The following NAV3 variants were observed in gnomAD, a reference collection of about 807,000 sequenced individuals.
NAV3 encodes the protein pore membrane and/or filament interacting like protein 1.
NAV3 carries 87 observed loss-of-function variants against 244.7 expected under a neutral mutation model. The ratio of observed to expected loss-of-function variants is 0.36; its 90% confidence interval spans 0.30 to 0.42. The LOEUF is 0.42. NAV3 is among the 20% of genes least tolerant of loss of function. NAV3 has a pLI of 1.00. For synonymous variants in NAV3, 1,126 were observed against 1,042.2 expected (o/e 1.08, Z -1.55); for missense variants, 2,663 against 2,893.3 (o/e 0.92, Z 1.83).
chr12:77,704,344 A>G (rs1875695428), intron 2 of NAV3, among the ~76,000 whole-genome samples: 2 of 152,186 alleles, frequency 1.3e-5, no homozygotes, highest in Admixed American at 1.3e-4. Context: ...TTTGTAGCAG[A>G]AGTGCCAATC....
chr12:77,821,666 CA>C (rs1461819624), intron 2 of NAV3, among the ~76,000 whole-genome samples: 4 of 152,022 alleles, frequency 2.6e-5, no homozygotes, highest in African/African-American at 9.7e-5. Context: ...ATATAAGCTT[CA>C]AAAATATGTG....
intron 1 of NAV3, among the ~76,000 whole-genome samples, chr12:77,891,811 G>A (rs1883975721): frequency 6.6e-6 from 1 of 152,152 alleles, no homozygotes; most frequent in South Asian, 2.1e-4. Flanking sequence ...GCCTTCCAGA[G>A]AAGAACCACT....
At chr12:78,088,013 T>G (rs902475746) in intron 12 of NAV3, among the ~76,000 whole-genome samples, 2 of 151,188 alleles carry the variant, frequency 1.3e-5, no homozygotes, top group Admixed American at 6.6e-5. Context: ...ACCATTTTCT[T>G]TTCCTTTCTA....
intron 23 of NAV3, among the ~76,000 whole-genome samples, chr12:78,164,743 G>A (rs887485353): frequency 6.6e-6 from 1 of 151,982 alleles, no homozygotes; most frequent in African/African-American, 2.4e-5. Context: ...GGGAAAGGAG[G>A]ACCTGTTTAA....
rs75426727 is a variant in NAV3, at chr12:77,853,968, A to T, written c.243+22264A>T. On this transcript the variant is annotated intron_variant, in intron 1 of 39. Coordinates refer to ENST00000397909, the MANE Select transcript of NAV3 (RefSeq NM_001024383.2). ...TTTCAGGGATAATTGAGGAACTCAG[A>T]ATTGACTTTGGGAAGCAGTCTGTTA... Among the ~76,000 whole-genome samples, 1,022 of 152,326 alleles carry T rather than the reference A, an allele frequency of 6.7e-3. 12 individuals are homozygous for T. Among genetic ancestry groups the T allele is most frequent in the African/African-American group, 0.023 (977 of 41,580 alleles).
chr12:77,855,077 A>T (rs557983024), intron 1 of NAV3, among the ~76,000 whole-genome samples: 2 of 152,306 alleles, frequency 1.3e-5, no homozygotes, highest in South Asian at 4.1e-4. Context: ...CAGTGAGCTG[A>T]GATCGCGCCA....
At chr12:77,905,287 GA>G (rs1174145794) in intron 1 of NAV3, among the ~76,000 whole-genome samples, 2 of 152,020 alleles carry the variant, frequency 1.3e-5, no homozygotes, top group Non-Finnish European at 2.9e-5. Context: ...ATTTAAGTGG[GA>G]AAAATGCTTT....
rs1219364928 is a variant in NAV3 at position 78,007,087 on chromosome 12, A to G, written c.1549A>G (p.Lys517Glu). Residue 517 changes from lysine (K) to glutamate (E), a missense_variant, in exon 8 of 40, where the codon AAG (lysine) becomes GAG (glutamate). By Grantham distance (56) the Lys-to-Glu change is moderately conservative (BLOSUM62 1). Around this residue, in one of 6 missense-constraint regions of NAV3, gnomAD observed 1,521 missense variants for 1,497.0 expected, o/e 1.02. Transcript: ENST00000397909. Reference sequence around the variant, plus strand: ...GGGCAGCAAGACAACAGCAGCTAAGAAGGAAAGCTTAATTCCGTCTTCCAG... The same window carrying G: ...GGGCAGCAAGACAACAGCAGCTAAGGAGGAAAGCTTAATTCCGTCTTCCAG... The part of the protein sequence containing the change: ...PKGSKTTAAK[K>E]ESLIPSSSGI... 1 of 1,614,152 alleles carries G rather than the reference A, an allele frequency of 6.2e-7. No individual in the cohort carries two copies. The highest frequency in any genetic ancestry group is 1.7e-5 in the Admixed American group (1 of 60,022).
chr12:77,845,804 C>T (rs1323603718), intron 1 of NAV3, among the ~76,000 whole-genome samples: 1 of 152,006 alleles, frequency 6.6e-6, no homozygotes, highest in Non-Finnish European at 1.5e-5. Flanking sequence ...CAGGCACATG[C>T]CACCATGCCC....
chr12:77,700,320 T>C (rs550775896), intron 2 of NAV3, among the ~76,000 whole-genome samples: 2 of 152,224 alleles, frequency 1.3e-5, no homozygotes, highest in South Asian at 2.1e-4. Context: ...ATATCAATGC[T>C]AAGCAGAAAT....
intron 1 of NAV3, among the ~76,000 whole-genome samples, chr12:77,876,269 A>G (rs1017990588): frequency 6.6e-6 from 1 of 152,046 alleles, no homozygotes; most frequent in African/African-American, 2.4e-5. Flanking sequence ...CACTTCTCCA[A>G]TACTGAAAAG....
intron 1 of NAV3, among the ~76,000 whole-genome samples, chr12:77,932,950 G>T (rs1040215334): frequency 9.2e-5 from 14 of 152,210 alleles, no homozygotes; most frequent in Admixed American, 9.2e-4. Context: ...TGCATATTCT[G>T]CATGGAATAT....
At chr12:77,975,539 T>C (rs1337808247) in intron 5 of NAV3, among the ~76,000 whole-genome samples, 5 of 152,184 alleles carry the variant, frequency 3.3e-5, no homozygotes, top group Admixed American at 2.6e-4. Context: ...CTCATTCAGA[T>C]GATGAGACTA....
intron 2 of NAV3, among the ~76,000 whole-genome samples, chr12:77,704,872 C>T (rs1875721124): frequency 6.6e-6 from 1 of 152,176 alleles, no homozygotes; most frequent in Non-Finnish European, 1.5e-5. Flanking sequence ...GTGCTAGCTT[C>T]CCACTTCACT....
At chr12:78,122,876 A>T (rs958318402) in intron 16 of NAV3, among the ~76,000 whole-genome samples, 2 of 150,742 alleles carry the variant, frequency 1.3e-5, no homozygotes, top group African/African-American at 4.9e-5. Context: ...AAAATAGCAG[A>T]TGGATTGCTG....
At chr12:77,945,373 G>A (rs771371565) in intron 3 of NAV3, among the ~76,000 whole-genome samples, 8 of 152,114 alleles carry the variant, frequency 5.3e-5, no homozygotes, top group Non-Finnish European at 8.8e-5. Context: ...TTATGATGGG[G>A]TGAAGATACG....
chr12:78,163,281 C>T (rs989158166), intron 23 of NAV3, among the ~76,000 whole-genome samples: 5 of 152,088 alleles, frequency 3.3e-5, no homozygotes, highest in African/African-American at 1.2e-4. Flanking sequence ...ACTCCTAACA[C>T]TTTTCCTATT....
At position 78,210,955 on chromosome 12, in the gene NAV3, A is replaced by G. The variant is rs1202795957; in HGVS notation, c.*438A>G. ...TGATCTGTCCAACCTCCTTTGTGCC[A>G]CACGGTGCTGGTCACAGGGCTTCAG... On this transcript the variant is annotated 3_prime_UTR_variant, in exon 40 of 40. Coordinates refer to ENST00000397909, the MANE Select transcript of NAV3 (RefSeq NM_001024383.2). 6.0e-6 allele frequency: 1 copy of G among 167,466 alleles called. No individual in the cohort carries two copies. The highest frequency in any genetic ancestry group is 1.3e-5 in the Non-Finnish European group (1 of 77,796). The allele number at this position is 167,466 out of a possible 1,614,324, so 10.4% of individuals were successfully genotyped here. A position where few individuals can be genotyped will look rare whatever the true frequency, so the allele number is the denominator to read the frequency against.
chr12:77,725,498 T>C lies in NAV3; in HGVS notation c.72+153232T>C, dbSNP rs753315917. Among the ~76,000 whole-genome samples, 137 of 152,050 alleles carry C rather than the reference T, an allele frequency of 9.0e-4. 1 individual carries two copies. The highest frequency in any genetic ancestry group is 1.5e-3 in the Admixed American group (23 of 15,212). On this transcript the variant is annotated intron_variant, in intron 2 of 8. Transcript: ENST00000550042. ...ATAGTTTCCCCAGATTTTTTTTTCTTTTAATTTCATGTGCTCAGTAAAAAT... is the reference window on the plus strand; with the variant it reads ...ATAGTTTCCCCAGATTTTTTTTTCTCTTAATTTCATGTGCTCAGTAAAAAT...
Sources: gnomAD v4.1 joint callset for allele counts (sites outside exome capture counted in the v4.1 genomes callset) on GRCh38, gnomAD v4.1.1 for gene constraint, gnomAD v4.1.1 regional missense constraint, MANE v1.5 for transcripts, NCBI Gene and HGNC (gene_info 2026-07-23, HGNC 2026-07-21) for gene names.